The following RBM20 variants were observed in gnomAD, a reference collection of about 807,000 sequenced individuals.
The protein encoded by RBM20 is RNA binding motif protein 20, also known as RNA-binding protein 20.
Under a neutral mutation model 110.1 loss-of-function variants are expected in RBM20, and 51 were observed. That is an observed-to-expected ratio of 0.46 (90% CI 0.37 to 0.59). The LOEUF (loss-of-function observed/expected upper bound fraction) is 0.59. Ranked by LOEUF, RBM20 falls within the 20% of genes least tolerant of loss-of-function variation. The pLI, the probability that RBM20 is intolerant of heterozygous loss-of-function variation, is 0.00. For missense variants in RBM20, 1,512 were observed against 1,574.9 expected (o/e 0.96, Z 0.68); for synonymous variants, 589 against 618.2 (o/e 0.95, Z 0.70).
chr10:110,682,964 C>T (rs1281561064), intron 1 of RBM20, among the ~76,000 whole-genome samples: 2 of 152,194 alleles, frequency 1.3e-5, no homozygotes, highest in Admixed American at 1.3e-4. Context: ...GTTCCTTCTT[C>T]CTCGCTTGTT....
chr10:110,657,319 C>CT (rs879574722), intron 1 of RBM20, among the ~76,000 whole-genome samples: 140 of 140,906 alleles, frequency 9.9e-4, no homozygotes, highest in Non-Finnish European at 8.6e-4. Flanking sequence ...CCGGCCTGTT[C>CT]TTTTTTTTTT....
chr10:110,789,499 C>T (rs1005376829), intron 5 of RBM20, among the ~76,000 whole-genome samples: 1 of 151,430 alleles, frequency 6.6e-6, no homozygotes, highest in East Asian at 1.9e-4. Flanking sequence ...GCTGTGTCAC[C>T]CAGGCTGGAG....
intron 8 of RBM20, 116 bp downstream of exon 8, chr10:110,810,578 TC>T: frequency 1.6e-6 from 1 of 644,054 alleles, no homozygotes; most frequent in Non-Finnish European, 2.6e-6. Context: ...CCCTACCCCA[TC>T]CATCTGCTTT....
chr10:110,821,934 G>C lies in RBM20; in HGVS notation c.3315G>C (p.Pro1105=). ...QNQACQEVLT[P]ENSRYVEMKS... Reference sequence around the variant, plus strand: ...AAGCTTGCCAAGAAGTGTTGACCCCGGGTAACTATCTCCCCTTTCCTCACG... The same window carrying C: ...AAGCTTGCCAAGAAGTGTTGACCCCCGGTAACTATCTCCCCTTTCCTCACG... Residue 1105 remains proline (P), a splice_region_variant and synonymous_variant, in exon 11 of 14, where the codon CCG becomes CCC. Coordinates refer to ENST00000369519, the MANE Select transcript of RBM20 (RefSeq NM_001134363.3). 1 of 1,551,636 alleles carries C rather than the reference G, an allele frequency of 6.4e-7. No individual in the cohort carries two copies. The highest frequency in any genetic ancestry group is 2.4e-5 in the East Asian group (1 of 40,922).
chr10:110,759,386 G>T (rs976256698), intron 1 of RBM20, among the ~76,000 whole-genome samples: 1 of 152,114 alleles, frequency 6.6e-6, no homozygotes, highest in Non-Finnish European at 1.5e-5. Flanking sequence ...AAGAGAAATC[G>T]CTGTTTAGAG....
intron 1 of RBM20, among the ~76,000 whole-genome samples, chr10:110,677,434 G>T (rs10787264): frequency 0.86 from 130,515 of 151,952 alleles, 59,587 homozygotes; most frequent in East Asian, 1. Context: ...TTCTCCTGCC[G>T]CAGCCTCCCG....
At chr10:110,813,091 T>A in intron 9 of RBM20, 144 bp downstream of exon 9, 1 of 603,204 alleles carries the variant, frequency 1.7e-6, no homozygotes, top group African/African-American at 1.9e-5. Flanking sequence ...CAAGACACTT[T>A]ATCTCAATGA....
chr10:110,821,129 C>T (rs1194675326), intron 10 of RBM20, 146 bp from the exon 11 acceptor site: 2 of 674,854 alleles, frequency 3.0e-6, no homozygotes, highest in Non-Finnish European at 5.0e-6. Context: ...TGCCGTGGGA[C>T]TTGAGTGGTT....
At chr10:110,765,027 G>A (rs1844061357) in intron 1 of RBM20, among the ~76,000 whole-genome samples, 1 of 152,112 alleles carries the variant, frequency 6.6e-6, no homozygotes, top group Admixed American at 6.5e-5. Context: ...CACAACGGCA[G>A]TTTAACATGT....
upstream of RBM20, chr10:110,644,261 C>G (rs954978455): frequency 7.0e-6 from 3 of 431,240 alleles, no homozygotes; most frequent in Non-Finnish European, 1.2e-5. This position sits in a 1 kb window ranked among gnomAD's most constrained non-coding sequence, Gnocchi z 4.3. Context: ...CGTGGCCGGC[C>G]GGGACGAGCT....
chr10:110,768,056 C>T (rs962019175), intron 1 of RBM20, among the ~76,000 whole-genome samples: 1 of 152,224 alleles, frequency 6.6e-6, no homozygotes, highest in Admixed American at 6.5e-5. Context: ...AGCGAAACCC[C>T]GTCTCCACCA....
At chr10:110,659,175 G>A (rs913704641) in intron 1 of RBM20, among the ~76,000 whole-genome samples, 1 of 152,200 alleles carries the variant, frequency 6.6e-6, no homozygotes, top group African/African-American at 2.4e-5. Flanking sequence ...CTGATGTGAC[G>A]CCAAAGCTTG....
At chr10:110,727,916 C>T (rs183071436) in intron 1 of RBM20, among the ~76,000 whole-genome samples, 1 of 152,224 alleles carries the variant, frequency 6.6e-6, no homozygotes, top group African/African-American at 2.4e-5. Context: ...GTTTTCTGTT[C>T]CTGTGTTAGT....
At chr10:110,813,383 G>C (rs1269680806) in intron 9 of RBM20, among the ~76,000 whole-genome samples, 2 of 152,156 alleles carry the variant, frequency 1.3e-5, no homozygotes, top group African/African-American at 4.8e-5. Context: ...GCCTCCCAAG[G>C]GAGATTAGAT....
At chr10:110,804,864 G>C (rs969716702) in intron 7 of RBM20, among the ~76,000 whole-genome samples, 13 of 152,112 alleles carry the variant, frequency 8.5e-5, no homozygotes, top group African/African-American at 1.9e-4. Context: ...GATTTTTTGT[G>C]GGGGGAGTCC....
intron 1 of RBM20, among the ~76,000 whole-genome samples, chr10:110,691,786 A>G (rs1269847384): frequency 6.6e-6 from 1 of 152,090 alleles, no homozygotes; most frequent in Non-Finnish European, 1.5e-5. Context: ...TATGAACTTC[A>G]ATTTATTTCT....
At chr10:110,818,882 A>G (rs1354113360) in intron 9 of RBM20, among the ~76,000 whole-genome samples, 2 of 152,246 alleles carry the variant, frequency 1.3e-5, no homozygotes, top group East Asian at 1.9e-4. Context: ...TAGTTGCTTT[A>G]TACTCAGGCT....
rs1359372013 is a variant in RBM20, at chr10:110,812,748, G to A, written c.2351G>A (p.Arg784Lys). ...CAGGATGCCCCCGGGAGGTCCAGGA[G>A]GAAAGACGAGGCCAGGCTGCGGGAA... is the stretch of plus-strand genomic sequence containing the variant. ...QQQDAPGRSR[R>K]KDEARLRESR... The change falls in exon 9 of 14, where the codon AGG (arginine) becomes AAG (lysine). Residue 784 changes from arginine to lysine, a missense_variant. This residue lies in a region of RBM20 where 1,149 missense variants were observed against 1,169.4 expected (regional missense o/e 0.98). Coordinates refer to ENST00000369519, the MANE Select transcript of RBM20 (RefSeq NM_001134363.3). 1.9e-6 allele frequency: 3 copies of A among 1,551,632 alleles called. No individual in the cohort carries two copies. Among genetic ancestry groups the A allele is most frequent in the African/African-American group, 2.7e-5 (2 of 73,054 alleles).
chr10:110,645,041 C>G (rs1275359763), intron 1 of RBM20, among the ~76,000 whole-genome samples: 3 of 152,048 alleles, frequency 2.0e-5, no homozygotes, highest in Admixed American at 2.0e-4. Context: ...AAGTAAAATG[C>G]CAAAAATTAA....
Sources: allele counts gnomAD v4.1 joint callset (sites outside exome capture counted in the v4.1 genomes callset), GRCh38; gene constraint gnomAD v4.1.1; regional missense constraint gnomAD v4.1.1; non-coding constraint Gnocchi (gnomAD v3.1); transcripts MANE v1.5; gene names NCBI Gene and HGNC (gene_info 2026-07-23, HGNC 2026-07-21).